The following C8orf34 variants were observed in gnomAD, a reference collection of about 807,000 sequenced individuals.
C8orf34 encodes the protein chromosome 8 open reading frame 34, also known as uncharacterized protein C8orf34.
A neutral mutation model predicts 68.3 loss-of-function variants in C8orf34; 65 were observed. That is an observed-to-expected ratio of 0.95 (90% CI 0.78 to 1.17). The LOEUF (loss-of-function observed/expected upper bound fraction) is 1.17. Ranked by LOEUF, C8orf34 falls within the 50% of genes most tolerant of loss-of-function variation. The pLI is 0.00. For missense variants in C8orf34, 664 were observed against 655.4 expected, an observed-to-expected ratio of 1.01 and a Z score of -0.14; for synonymous variants, 244 against 241.2, an observed-to-expected ratio of 1.01 and a Z score of -0.11.
intron 1 of C8orf34, among the ~76,000 whole-genome samples, chr8:68,420,134 T>G (rs1049546570): frequency 1.3e-5 from 2 of 151,312 alleles, no homozygotes; most frequent in Non-Finnish European, 2.9e-5. Flanking sequence ...TACTTTTTCC[T>G]TGAGAGAATT....
At position 68,794,487 on chromosome 8, in the gene C8orf34, A is replaced by T. The variant is rs1416799835; in HGVS notation, c.1549+6951A>T. Among the ~76,000 whole-genome samples the T allele has an allele frequency of 6.4e-5, 6 of 94,056 alleles. 1 individual carries two copies. Among genetic ancestry groups the T allele is most frequent in the African/African-American group, 4.0e-4 (5 of 12,586 alleles). The allele number at this position is 94,056 out of a possible 152,430, so 61.7% of individuals were successfully genotyped here. A position where few individuals can be genotyped will look rare whatever the true frequency, so the allele number is the denominator to read the frequency against. On this transcript the variant is annotated intron_variant, in intron 12 of 13. Coordinates refer to ENST00000518698, the MANE Select transcript of C8orf34 (RefSeq NM_052958.4). ...GTGCCCAGTATATAAATATAAATAT[A>T]TATATATATATATATATATTTTTTT...
rs546991689 is a variant in C8orf34 at position 68,426,772 on chromosome 8, G to A, written c.328-12727G>A. Among the ~76,000 whole-genome samples the A allele has an allele frequency of 9.9e-5, 15 of 151,962 alleles. No individual in the cohort carries two copies. The East Asian group carries it at 2.9e-3, about 30-fold the overall frequency. ...CAATCCCAGCTTCTCGGGAGGTTGA[G>A]GCAGGAGAATCCCTTGAACCCAGGA... On this transcript the variant is annotated intron_variant, in intron 1 of 13. Coordinates refer to ENST00000518698, the MANE Select transcript of C8orf34 (RefSeq NM_052958.4).
intron 1 of C8orf34, 42 bp from the exon 2 acceptor site, chr8:68,439,457 T>A (rs1246025562): frequency 6.3e-7 from 1 of 1,592,976 alleles, no homozygotes; most frequent in South Asian, 1.1e-5. Context: ...TTACTGTTGC[T>A]GTTATTATTA....
At chr8:68,372,294 A>T (rs560289602) in intron 1 of C8orf34, among the ~76,000 whole-genome samples, 58 of 152,284 alleles carry the variant, frequency 3.8e-4, no homozygotes, top group Admixed American at 7.2e-4. Context: ...CTGGGATAAC[A>T]TGAGGTTATT....
intron 8 of C8orf34, among the ~76,000 whole-genome samples, chr8:68,655,114 A>G (rs1300415961): frequency 6.6e-6 from 1 of 152,124 alleles, no homozygotes. Flanking sequence ...TTCAAAACTC[A>G]GGATTTATAT....
At chr8:68,390,745 A>G (rs991968331) in intron 1 of C8orf34, among the ~76,000 whole-genome samples, 1 of 152,132 alleles carries the variant, frequency 6.6e-6, no homozygotes, top group Non-Finnish European at 1.5e-5. Flanking sequence ...GAGGGTAGTC[A>G]CAGTCTGTAT....
intron 10 of C8orf34, among the ~76,000 whole-genome samples, chr8:68,761,130 CT>C (rs1823013014): frequency 1.3e-5 from 2 of 152,166 alleles, no homozygotes; most frequent in African/African-American, 4.8e-5. Context: ...ACTTTTCCAC[CT>C]TCTTCTCCCA....
At chr8:68,534,006 C>T in intron 7 of C8orf34, 3 of 941,638 alleles carry the variant, frequency 3.2e-6, no homozygotes, top group Non-Finnish European at 3.8e-6. Context: ...ACACGTTTTA[C>T]ATATAGAATA....
chr8:68,743,817 A>G (rs888002173), intron 10 of C8orf34, among the ~76,000 whole-genome samples: 14 of 152,202 alleles, frequency 9.2e-5, no homozygotes, highest in Non-Finnish European at 1.9e-4. Context: ...AGGGGCGCCC[A>G]CCATTGCCCA....
At chr8:68,537,397 C>A (rs1217150634) in intron 7 of C8orf34, among the ~76,000 whole-genome samples, 2 of 151,568 alleles carry the variant, frequency 1.3e-5, no homozygotes, top group African/African-American at 2.4e-5. Context: ...AAAGTTATCA[C>A]CTTAAAATGA....
intron 4 of C8orf34, among the ~76,000 whole-genome samples, chr8:68,473,344 C>G (rs1404040547): frequency 6.6e-6 from 1 of 152,122 alleles, no homozygotes; most frequent in East Asian, 1.9e-4. Flanking sequence ...GTGATGTTTA[C>G]ATAACATACC....
At chr8:68,583,029 A>G (rs7002286) in intron 7 of C8orf34, among the ~76,000 whole-genome samples, 92,717 of 151,970 alleles carry the variant, frequency 0.61, 30,260 homozygotes, top group African/African-American at 0.87. Flanking sequence ...TACAAATGGA[A>G]ATTTTCATTA....
intron 5 of C8orf34, among the ~76,000 whole-genome samples, chr8:68,503,195 CTAGA>C (rs1283233480): frequency 3.3e-5 from 5 of 152,048 alleles, no homozygotes; most frequent in Non-Finnish European, 2.9e-5. Flanking sequence ...GATAATTTTC[CTAGA>C]TAAACAGGGA....
chr8:68,331,061 C>A lies in C8orf34; in HGVS notation c.49C>A (p.Pro17Thr). ...SELSELAALR[P>T]GFRLSAPHAR... The stretch of plus-strand genomic sequence containing the variant: ...GTTGTCTGAGTTGGCGGCGCTGCGC[C>A]CAGGCTTCCGGCTCTCAGCGCCCCA... The change falls in exon 1 of 14, where the codon CCA becomes ACA. Residue 17 changes from proline (P) to threonine (T), a missense_variant. Pro to Thr is a conservative substitution (Grantham distance 38). Transcript: ENST00000518698. 6.7e-7 allele frequency: 1 copy of A among 1,483,014 alleles called. No individual in the cohort carries two copies. Among genetic ancestry groups the A allele is most frequent in the Non-Finnish European group, 8.9e-7 (1 of 1,128,184 alleles). The allele number at this position is 1,483,014 out of a possible 1,614,324, so 91.9% of individuals were successfully genotyped here.
At chr8:68,404,074 G>A (rs1393178920) in intron 1 of C8orf34, among the ~76,000 whole-genome samples, 1 of 152,108 alleles carries the variant, frequency 6.6e-6, no homozygotes, top group Non-Finnish European at 1.5e-5. Context: ...CATTCTTACT[G>A]GCGTGAGATG....
chr8:68,483,176 G>A (rs896578735), intron 4 of C8orf34, among the ~76,000 whole-genome samples: 2 of 152,166 alleles, frequency 1.3e-5, no homozygotes, highest in Non-Finnish European at 2.9e-5. Flanking sequence ...TGGAAGTCTT[G>A]AAGAAACCTA....
intron 1 of C8orf34, among the ~76,000 whole-genome samples, chr8:68,423,584 T>A (rs1201462566): frequency 6.6e-6 from 1 of 152,192 alleles, no homozygotes; most frequent in Non-Finnish European, 1.5e-5. Flanking sequence ...CATTTTCCTG[T>A]CTTCTTATGA....
At chr8:68,680,035 T>C (rs1820320751) in intron 8 of C8orf34, among the ~76,000 whole-genome samples, 2 of 152,164 alleles carry the variant, frequency 1.3e-5, no homozygotes, top group African/African-American at 4.8e-5. Context: ...TTGAGTTATC[T>C]CTACAAGCAC....
intron 1 of C8orf34, among the ~76,000 whole-genome samples, chr8:68,427,467 A>G (rs1446616141): frequency 3.9e-5 from 6 of 152,242 alleles, no homozygotes; most frequent in African/African-American, 1.4e-4. Flanking sequence ...TTCAATATAT[A>G]AGATATGACA....
Sources: allele counts gnomAD v4.1 joint callset (sites outside exome capture counted in the v4.1 genomes callset), GRCh38; gene constraint gnomAD v4.1.1; transcripts MANE v1.5; gene names NCBI Gene and HGNC (gene_info 2026-07-23, HGNC 2026-07-21).